Variants in NT5DC1 observed in about 807,000 individuals in gnomAD.
The protein encoded by NT5DC1 is 5'-nucleotidase domain containing 1.
NT5DC1 carries 42 observed loss-of-function variants against 59.4 expected under a neutral mutation model. The observed-to-expected ratio is 0.71, with a 90% CI of 0.55 to 0.92. The LOEUF (loss-of-function observed/expected upper bound fraction) is 0.92. NT5DC1 is among the 40% of genes least tolerant of loss of function. NT5DC1 has a pLI of 0.00. For synonymous variants in NT5DC1, 172 were observed against 188.1 expected (o/e 0.91, Z 0.70); for missense variants, 501 against 537.1 (o/e 0.93, Z 0.66).
Position 116,237,025 on chromosome 6 carries a change from G to A in NT5DC1, c.862G>A (p.Gly288Arg). Residue 288 changes from glycine (G) to arginine (R), a missense_variant, in exon 9 of 12, where the codon GGG becomes AGG. Coordinates refer to ENST00000319550, the MANE Select transcript of NT5DC1 (RefSeq NM_152729.3). ...GGATAAACCTGGCTGGTACTCCCAA[G>A]GGAACGCTGTCCACCTCTATGAACT... ...SLDKPGWYSQ[G>R]NAVHLYELLK... 6.2e-7 allele frequency: 1 copy of A among 1,613,388 alleles called. No homozygotes were observed. Among genetic ancestry groups the A allele is most frequent in the African/African-American group, 1.3e-5 (1 of 75,036 alleles).
chr6:116,216,622 T>C (rs1481841741), intron 6 of NT5DC1, among the ~76,000 whole-genome samples: 1 of 151,838 alleles, frequency 6.6e-6, no homozygotes, highest in Non-Finnish European at 1.5e-5. Context: ...CTTTACACAA[T>C]CTAGATATTC....
At chr6:116,214,597 C>A (rs181094899) in intron 6 of NT5DC1, among the ~76,000 whole-genome samples, 47 of 152,168 alleles carry the variant, frequency 3.1e-4, no homozygotes, top group Middle Eastern at 3.4e-3. Context: ...CCACCCCAAA[C>A]CTACTGAATC....
intron 6 of NT5DC1, among the ~76,000 whole-genome samples, chr6:116,138,049 G>T (rs1249130974): frequency 2.0e-5 from 3 of 152,022 alleles, no homozygotes; most frequent in Non-Finnish European, 4.4e-5. Context: ...CTGCACTCCC[G>T]CCTGGGTGAC....
chr6:116,169,308 A>G (rs1054091535), intron 6 of NT5DC1, among the ~76,000 whole-genome samples: 3 of 152,242 alleles, frequency 2.0e-5, no homozygotes, highest in African/African-American at 7.2e-5. Flanking sequence ...TTCAAATGGC[A>G]TAGTTCTCCA....
At chr6:116,135,329 G>A (rs765800891) in intron 6 of NT5DC1, among the ~76,000 whole-genome samples, 7 of 151,886 alleles carry the variant, frequency 4.6e-5, no homozygotes, top group African/African-American at 7.3e-5. Flanking sequence ...ATTAAAATAC[G>A]AATATTAGAG....
chr6:116,242,963 C>T (rs534886934), intron 11 of NT5DC1, among the ~76,000 whole-genome samples: 2 of 152,260 alleles, frequency 1.3e-5, no homozygotes, highest in East Asian at 1.9e-4. Context: ...AGGAGAAAAG[C>T]TGAGGCTTAG....
intron 6 of NT5DC1, among the ~76,000 whole-genome samples, chr6:116,140,184 A>ACCT (rs1211074333): frequency 5.9e-5 from 9 of 152,166 alleles, no homozygotes; most frequent in African/African-American, 2.2e-4. Flanking sequence ...GCTCTCAGGT[A>ACCT]TTTTCAAGTA....
At position 116,120,684 on chromosome 6, in the gene NT5DC1, C is replaced by T. The variant is rs372745599; in HGVS notation, c.529+2739C>T. 1.7e-5 allele frequency: 27 copies of T among 1,547,148 alleles called. No homozygotes were observed. Among genetic ancestry groups the T allele is most frequent in the Non-Finnish European group, 2.3e-5 (27 of 1,154,274 alleles). ...TTGAGGCCCTTAGTTGCTATGCCAG[C>T]TGGGCCAGGAGGACCGGGACTTCCT... On this transcript the variant is annotated intron_variant, in intron 6 of 11. Transcript: ENST00000319550.
intron 6 of NT5DC1, among the ~76,000 whole-genome samples, chr6:116,161,347 T>A (rs543964804): frequency 2.6e-4 from 40 of 151,048 alleles, no homozygotes; most frequent in African/African-American, 9.7e-4. Flanking sequence ...ATAATAATAA[T>A]AAAAAATAAT....
chr6:116,144,744 G>A (rs1388253188), intron 6 of NT5DC1, among the ~76,000 whole-genome samples: 6 of 152,154 alleles, frequency 3.9e-5, no homozygotes. Context: ...GAGTGGGTGG[G>A]ATAGCAGGAA....
At chr6:116,241,956 A>T (rs1484068235) in intron 11 of NT5DC1, among the ~76,000 whole-genome samples, 1 of 146,900 alleles carries the variant, frequency 6.8e-6, no homozygotes, top group African/African-American at 2.5e-5. Flanking sequence ...AAAAAAAAAA[A>T]AAACAAAGAA....
chr6:116,166,920 G>T (rs1187412084), intron 6 of NT5DC1, among the ~76,000 whole-genome samples: 1 of 152,226 alleles, frequency 6.6e-6, no homozygotes, highest in East Asian at 1.9e-4. Context: ...CCAAAGAATT[G>T]AGCCAAGGAA....
chr6:116,212,319 G>A (rs1436886460), intron 6 of NT5DC1, among the ~76,000 whole-genome samples: 1 of 152,012 alleles, frequency 6.6e-6, no homozygotes, highest in East Asian at 1.9e-4. Flanking sequence ...ACAGAGTAGT[G>A]CCTCATTAAA....
rs117301377 is a variant in NT5DC1, at chr6:116,141,488, T to A, written c.529+23543T>A. Among the ~76,000 whole-genome samples, 378 of 151,390 alleles carry A rather than the reference T, an allele frequency of 2.5e-3. 2 individuals carry two copies. Among genetic ancestry groups the A allele is most frequent in the Non-Finnish European group, 4.7e-3 (317 of 67,848 alleles). On this transcript the variant is annotated intron_variant, in intron 6 of 11. Coordinates refer to ENST00000319550, the MANE Select transcript of NT5DC1 (RefSeq NM_152729.3). ...TACTTACATTGTTCTTTTCCCAACT[T>A]TCCAGTGGGACTCCAAGTCATTGTA...
chr6:116,159,333 TTCAAG>T (rs759345039), intron 6 of NT5DC1, among the ~76,000 whole-genome samples: 3 of 152,192 alleles, frequency 2.0e-5, no homozygotes, highest in Non-Finnish European at 2.9e-5. Context: ...AAAAGACACT[TTCAAG>T]TCATTATTTC....
chr6:116,120,013 G>A, intron 6 of NT5DC1: 1 of 1,375,264 alleles, frequency 7.3e-7, no homozygotes, highest in African/African-American at 1.4e-5. Context: ...ATTTTGTAGG[G>A]TGGGGTAGAG....
In NT5DC1 at chr6:116,120,586, A is replaced by G. The variant is rs1045854465; in HGVS notation, c.529+2641A>G. 6 of 1,592,162 alleles carry G rather than the reference A, an allele frequency of 3.8e-6. No homozygotes were observed. The Admixed American group carries it at 5.4e-5, about 14-fold the overall frequency. The stretch of plus-strand genomic sequence containing the variant: ...CTTGACCTGGTGGGCCTGGAGGCCC[A>G]GGGGGCCCTGGAAGACCAGGCTCTC... On this transcript the variant is annotated intron_variant, in intron 6 of 11. Transcript: ENST00000319550.
chr6:116,167,873 T>G (rs1780510599), intron 6 of NT5DC1, among the ~76,000 whole-genome samples: 1 of 152,138 alleles, frequency 6.6e-6, no homozygotes, highest in African/African-American at 2.4e-5. Context: ...TTTCTGAAAA[T>G]TTTTTTATTT....
intron 6 of NT5DC1, chr6:116,136,935 C>T (rs148247832): frequency 0.011 from 1,618 of 152,456 alleles, 13 homozygotes; most frequent in Non-Finnish European, 0.017. Context: ...AGTATATAAA[C>T]TAAGAAGACC....
Sources: gnomAD v4.1 joint callset for allele counts (sites outside exome capture counted in the v4.1 genomes callset) on GRCh38, gnomAD v4.1.1 for gene constraint, MANE v1.5 for transcripts, NCBI Gene and HGNC (gene_info 2026-07-23, HGNC 2026-07-21) for gene names.